Variants in TNRC18 observed in about 807,000 individuals in gnomAD.
TNRC18 encodes trinucleotide repeat containing 18.
In TNRC18, 69 loss-of-function variants were observed where a neutral mutation model predicts 226.7. The observed-to-expected ratio is 0.30, with a 90% confidence interval of 0.25 to 0.37. TNRC18 has a LOEUF of 0.37. Among genes scored for constraint, TNRC18 ranks in the 10% least tolerant of loss-of-function variants. The probability of loss-of-function intolerance (pLI) is 1.00; values close to 1 mark genes in which losing one functional copy is unlikely to be tolerated. For synonymous variants in TNRC18, 2,449 were observed against 1,927.6 expected, an observed-to-expected ratio of 1.27 and a Z score of -7.09; for missense variants, 4,754 against 4,256.6, an observed-to-expected ratio of 1.12 and a Z score of -3.25.
chr7:5,390,970 G>T (rs995742922), intron 3 of TNRC18, among the ~76,000 whole-genome samples: 1 of 152,162 alleles, frequency 6.6e-6, no homozygotes, highest in Non-Finnish European at 1.5e-5. Context: ...CTATAAGGAA[G>T]AGACTTAATG....
chr7:5,378,374 C>T (rs1229298650), intron 5 of TNRC18, among the ~76,000 whole-genome samples: 1 of 151,920 alleles, frequency 6.6e-6, no homozygotes, highest in Non-Finnish European at 1.5e-5. Flanking sequence ...AACGTGAGGC[C>T]GGGTGCACTT....
In TNRC18 at chr7:5,312,537, C is replaced by T. The variant is rs200925642; in HGVS notation, c.8354G>A (p.Arg2785Gln). Residue 2785 changes from arginine (R) to glutamine (Q), a missense_variant, in exon 27 of 30, where the codon CGG becomes CAG. By Grantham distance (43) the Arg-to-Gln change is conservative. Transcript: ENST00000430969. The surrounding 1 kb of genome is among the most constrained non-coding windows in gnomAD (Gnocchi z 6.3). ...CTTGCCGAACCACTTCCAGAGCTGCCGGGCTGGCAGGAAGGCGGCGATCTT... is the reference window on the plus strand; with the variant it reads ...CTTGCCGAACCACTTCCAGAGCTGCTGGGCTGGCAGGAAGGCGGCGATCTT... ...RPKIAAFLPA[R>Q]QLWKWFGKPT... The T allele has an allele frequency of 6.3e-4, 1,012 of 1,611,292 alleles. No homozygotes were observed. Among genetic ancestry groups the T allele is most frequent in the Non-Finnish European group, 8.2e-4 (966 of 1,179,350 alleles).
intron 2 of TNRC18, among the ~76,000 whole-genome samples, chr7:5,407,742 C>T (rs574599460): frequency 7.9e-5 from 12 of 152,338 alleles, no homozygotes; most frequent in African/African-American, 2.6e-4. Flanking sequence ...AGCCTTGCCC[C>T]TAGGGCTCCA....
At chr7:5,347,841 G>C (rs1451481241) in intron 17 of TNRC18, among the ~76,000 whole-genome samples, 1 of 151,774 alleles carries the variant, frequency 6.6e-6, no homozygotes, top group Non-Finnish European at 1.5e-5. Flanking sequence ...TGTAATCCCG[G>C]CTACTCAGGA....
chr7:5,370,431 G>A lies in TNRC18; in HGVS notation c.4163C>T (p.Thr1388Ile). ...VLEQSFLHGI[T>I]LLSEIAELEL... is the part of the protein sequence containing the mutation. Reference sequence around the variant, plus strand: ...CAGCTCTGCGATCTCACTTAGCAGGGTGATGCCATGCAGGAAGCTCTGCTC... The same window carrying A: ...CAGCTCTGCGATCTCACTTAGCAGGATGATGCCATGCAGGAAGCTCTGCTC... Residue 1388 changes from threonine (T) to isoleucine (I), a missense_variant, in exon 11 of 30, where the codon ACC (threonine) becomes ATC (isoleucine). Thr to Ile is a moderately conservative substitution (Grantham distance 89). Transcript: ENST00000430969. 1 of 1,556,390 alleles carries A rather than the reference G, an allele frequency of 6.4e-7. No homozygotes were observed.
At position 5,315,155 on chromosome 7, in the gene TNRC18, G is replaced by A; in HGVS notation, c.6863-7C>T. 6.2e-7 allele frequency: 1 copy of A among 1,610,754 alleles called. No individual in the cohort carries two copies. Among genetic ancestry groups the A allele is most frequent in the Non-Finnish European group, 8.5e-7 (1 of 1,179,048 alleles). ...GCCGGGGACGGCTCAGCACCTGTGG[G>A]GCAGAGGACAGAGTGGCTCATCAGG... On this transcript the variant is annotated splice_polypyrimidine_tract_variant and splice_region_variant and intron_variant, in intron 25 of 29. Coordinates refer to ENST00000430969, the MANE Select transcript of TNRC18 (RefSeq NM_001080495.3).
At chr7:5,337,864 T>G (rs1461651643) in intron 18 of TNRC18, among the ~76,000 whole-genome samples, 1 of 151,956 alleles carries the variant, frequency 6.6e-6, no homozygotes, top group Non-Finnish European at 1.5e-5. Context: ...GTGCCTGTAA[T>G]CCTAGCTACT....
At chr7:5,322,187 A>G (rs1788443551) in intron 21 of TNRC18, among the ~76,000 whole-genome samples, 1 of 151,850 alleles carries the variant, frequency 6.6e-6, no homozygotes, top group Non-Finnish European at 1.5e-5. Flanking sequence ...CTGAGGCAAA[A>G]GAATTGCTTG....
intron 2 of TNRC18, among the ~76,000 whole-genome samples, chr7:5,410,657 G>A (rs914902352): frequency 6.6e-6 from 1 of 151,928 alleles, no homozygotes; most frequent in African/African-American, 2.4e-5. Flanking sequence ...CCTGAGGCCA[G>A]AAGTTCGAAA....
rs771949501 is a variant in TNRC18, at chr7:5,351,744, G to A, written c.5470+75C>T. 25 of 1,455,396 alleles carry A rather than the reference G, an allele frequency of 1.7e-5. No individual in the cohort carries two copies. Among genetic ancestry groups the A allele is most frequent in the Non-Finnish European group, 2.3e-5 (25 of 1,096,788 alleles). The allele number at this position is 1,455,396 out of a possible 1,614,324, so 90.2% of individuals were successfully genotyped here. A position where few individuals can be genotyped will look rare whatever the true frequency, so the allele number is the denominator to read the frequency against. On this transcript the variant is annotated intron_variant, in intron 17 of 29. Coordinates refer to ENST00000430969, the MANE Select transcript of TNRC18 (RefSeq NM_001080495.3). ...CACCATCTCTCCCGTGCGCCCACTC[G>A]CTTCCCTCTCGCTCACTCGCACGCA... is the stretch of plus-strand genomic sequence containing the variant.
intron 17 of TNRC18, among the ~76,000 whole-genome samples, chr7:5,349,286 G>T (rs1388293474): frequency 2.0e-5 from 3 of 152,202 alleles, no homozygotes; most frequent in African/African-American, 7.2e-5. Flanking sequence ...GGGAGCAGAG[G>T]GGCTCTGAGG....
chr7:5,356,667 G>A (rs1176160991), intron 16 of TNRC18, among the ~76,000 whole-genome samples: 5 of 152,174 alleles, frequency 3.3e-5, no homozygotes, highest in African/African-American at 1.2e-4. Flanking sequence ...CCAATCACGG[G>A]CGCCCACCAA....
chr7:5,356,231 G>A (rs1254061477), intron 16 of TNRC18, among the ~76,000 whole-genome samples: 4 of 151,768 alleles, frequency 2.6e-5, no homozygotes, highest in Non-Finnish European at 5.9e-5. Context: ...GGTTCCAGTG[G>A]GTAGGTGGGT....
At chr7:5,363,496 C>G in intron 11 of TNRC18, among the ~76,000 whole-genome samples, 1 of 151,898 alleles carries the variant, frequency 6.6e-6, no homozygotes, top group East Asian at 1.9e-4. Context: ...CCCAGCTACT[C>G]GGGAGGCTGA....
At position 5,421,214 on chromosome 7, in the gene TNRC18, G is replaced by A. The variant is rs778837430; in HGVS notation, c.33C>T (p.Ser11=). The change falls in exon 2 of 30, where the codon TCC becomes TCT. Residue 11 remains serine (S), a synonymous_variant. Coordinates refer to ENST00000430969, the MANE Select transcript of TNRC18 (RefSeq NM_001080495.3). MDGRDFGPQR[S]VHGPPPPLLS... is the part of the protein sequence containing the mutation. ...GCAGCGGCGGCGGGGGACCGTGCAC[G>A]GACCGCTGGGGCCCGAAGTCTCGGC... The A allele has an allele frequency of 1.7e-4, 229 of 1,330,390 alleles. No individual in the cohort carries two copies. The highest frequency in any genetic ancestry group is 4.0e-4 in the African/African-American group (26 of 64,590). The allele number at this position is 1,330,390 out of a possible 1,614,324, so 82.4% of individuals were successfully genotyped here.
chr7:5,320,236 G>C (rs1788209546), intron 24 of TNRC18, 82 bp downstream of exon 24: 1 of 1,090,454 alleles, frequency 9.2e-7, no homozygotes, highest in Non-Finnish European at 1.4e-6. Flanking sequence ...TCTTAAGCCA[G>C]TTAGAGTTGG....
chr7:5,413,177 A>C (rs868834823), intron 2 of TNRC18, among the ~76,000 whole-genome samples: 4 of 152,194 alleles, frequency 2.6e-5, no homozygotes, highest in Admixed American at 2.0e-4. Context: ...GTCTGGCTGG[A>C]GGACAAGGCT....
At chr7:5,381,637 AAAAG>A (rs1035051897) in intron 5 of TNRC18, among the ~76,000 whole-genome samples, 6 of 152,200 alleles carry the variant, frequency 3.9e-5, no homozygotes, top group African/African-American at 1.2e-4. Context: ...AAAAAAAAGA[AAAAG>A]AAAGGAAAGA....
chr7:5,416,308 G>A (rs544483952), intron 2 of TNRC18, among the ~76,000 whole-genome samples: 3 of 151,650 alleles, frequency 2.0e-5, no homozygotes, highest in Non-Finnish European at 2.9e-5. Context: ...CCAGCTACTC[G>A]GGAGGCTGAG....
Sources: gnomAD v4.1 joint callset for allele counts (sites outside exome capture counted in the v4.1 genomes callset) on GRCh38, gnomAD v4.1.1 for gene constraint, Gnocchi (gnomAD v3.1) non-coding constraint, MANE v1.5 for transcripts, NCBI Gene and HGNC (gene_info 2026-07-23, HGNC 2026-07-21) for gene names.